Variants in ANKS6 observed in about 807,000 individuals in gnomAD.
ANKS6 encodes the protein ankyrin repeat and sterile alpha motif domain containing 6.
ANKS6 carries 47 observed loss-of-function variants against 77.9 expected under a neutral mutation model. The ratio of observed to expected loss-of-function variants is 0.60; its 90% confidence interval spans 0.48 to 0.77. ANKS6 has a LOEUF of 0.77. Ranked by LOEUF, ANKS6 falls within the 30% of genes least tolerant of loss-of-function variation. The pLI, the probability that ANKS6 is intolerant of heterozygous loss-of-function variation, is 0.00. For synonymous variants in ANKS6, 488 were observed against 501.7 expected (o/e 0.97, Z 0.37); for missense variants, 1,150 against 1,159.1 (o/e 0.99, Z 0.11).
At chr9:98,754,785 C>CA (rs935577964) in intron 12 of ANKS6, among the ~76,000 whole-genome samples, 1 of 152,190 alleles carries the variant, frequency 6.6e-6, no homozygotes, top group African/African-American at 2.4e-5. Context: ...AATTATTCTA[C>CA]AAAGAAAGTG....
chr9:98,750,771 T>A (rs574063154), intron 13 of ANKS6, among the ~76,000 whole-genome samples: 17 of 152,254 alleles, frequency 1.1e-4, no homozygotes, highest in African/African-American at 4.1e-4. Context: ...ACAAAAAAAA[T>A]GTTTTCAGGA....
intron 2 of ANKS6, among the ~76,000 whole-genome samples, chr9:98,786,694 T>TA (rs993702436): frequency 4.6e-5 from 7 of 152,072 alleles, no homozygotes; most frequent in South Asian, 4.2e-4. Context: ...ACCTGACTTT[T>TA]AAAAAAAATA....
At chr9:98,790,696 C>T in intron 1 of ANKS6, 90 bp from the exon 2 acceptor site, 1 of 1,480,068 alleles carries the variant, frequency 6.8e-7, no homozygotes, top group Non-Finnish European at 9.2e-7. Flanking sequence ...ATTATTAGTC[C>T]TGACAGCTGC....
chr9:98,763,012 T>G (rs540844717), intron 11 of ANKS6, among the ~76,000 whole-genome samples: 1 of 152,042 alleles, frequency 6.6e-6, no homozygotes, highest in African/African-American at 2.4e-5. Context: ...AAAGGAGAAA[T>G]AGACCAAACT....
chr9:98,755,285 A>G (rs1367917122), intron 12 of ANKS6, among the ~76,000 whole-genome samples: 1 of 152,184 alleles, frequency 6.6e-6, no homozygotes, highest in Non-Finnish European at 1.5e-5. Context: ...GGCCACGAAC[A>G]CAATCAGATT....
intron 11 of ANKS6, among the ~76,000 whole-genome samples, 161 bp downstream of exon 11, chr9:98,767,920 C>T (rs574712858): frequency 6.6e-6 from 1 of 152,344 alleles, no homozygotes; most frequent in African/African-American, 2.4e-5. Flanking sequence ...GTGCGGAGGA[C>T]CATTTCAGCC....
At position 98,791,812 on chromosome 9, in the gene ANKS6, C is replaced by T. The variant is rs892620065; in HGVS notation, c.360-1206G>A. Among the ~76,000 whole-genome samples the T allele has an allele frequency of 6.6e-6, 1 of 152,110 alleles. No individual in the cohort carries two copies. The highest frequency in any genetic ancestry group is 1.5e-5 in the Non-Finnish European group (1 of 68,024). On this transcript the variant is annotated intron_variant, in intron 1 of 14. Coordinates refer to ENST00000353234, the MANE Select transcript of ANKS6 (RefSeq NM_173551.5). The surrounding 1 kb of genome is among the most constrained non-coding windows in gnomAD (Gnocchi z 4.3). ...CAGGGCTGAACTCTGTCTGAGGCTC[C>T]GGCTGAATACCTTCTGGGATGTGAA... is the stretch of plus-strand genomic sequence containing the variant.
intron 1 of ANKS6, among the ~76,000 whole-genome samples, chr9:98,794,396 C>T (rs1835067854): frequency 6.6e-6 from 1 of 152,164 alleles, no homozygotes; most frequent in Non-Finnish European, 1.5e-5. Context: ...TGTCAGCACA[C>T]AGGCCATTCA....
chr9:98,780,750 G>A (rs1834202766), intron 5 of ANKS6, among the ~76,000 whole-genome samples: 1 of 152,074 alleles, frequency 6.6e-6, no homozygotes, highest in South Asian at 2.1e-4. Context: ...TCAATTCACG[G>A]GAATTCCTTT....
chr9:98,777,550 T>A, intron 7 of ANKS6, 96 bp from the exon 8 acceptor site: 1 of 1,051,856 alleles, frequency 9.5e-7, no homozygotes, highest in Non-Finnish European at 1.4e-6. Context: ...GAAAACCAAC[T>A]CTCCTGGGTG....
intron 11 of ANKS6, among the ~76,000 whole-genome samples, chr9:98,761,757 T>C (rs7469435): frequency 6.6e-6 from 1 of 152,190 alleles, no homozygotes; most frequent in South Asian, 2.1e-4. Flanking sequence ...ATTTTTGGGC[T>C]CTCTCTTTTG....
chr9:98,766,333 A>G (rs553528906), intron 11 of ANKS6, among the ~76,000 whole-genome samples: 1 of 152,334 alleles, frequency 6.6e-6, no homozygotes, highest in South Asian at 2.1e-4. Flanking sequence ...CCTTATTTCC[A>G]ATAAAAATTA....
Position 98,770,832 on chromosome 9 carries a change from A to C in ANKS6, c.1972+64T>G, listed in dbSNP as rs1446384646. The C allele has an allele frequency of 4.3e-5, 56 of 1,294,718 alleles. No homozygotes were observed. In the East Asian group the frequency reaches 1.6e-3, roughly 37 times the overall value. The allele number at this position is 1,294,718 out of a possible 1,614,324, so 80.2% of individuals were successfully genotyped here. A position where few individuals can be genotyped will look rare whatever the true frequency, so the allele number is the denominator to read the frequency against. On this transcript the variant is annotated intron_variant, in intron 10 of 14. Coordinates refer to ENST00000353234, the MANE Select transcript of ANKS6 (RefSeq NM_173551.5). ...CTGTCTGCAACCTGAATATCCAGGC[A>C]GTGCACACCCTCAGTCCCAAGGGAT...
In ANKS6 at chr9:98,753,144, T is replaced by TA. The variant is rs146151303; in HGVS notation, c.2327-2049dup. The stretch of plus-strand genomic sequence containing the variant: ...TTTATAGCACACAATTTACAAATAA[T>TA]AAAAAATACAATATTCTTTCTTATA... On this transcript the variant is annotated intron_variant, in intron 12 of 14. Transcript: ENST00000353234. Among the ~76,000 whole-genome samples the TA allele has an allele frequency of 8.0e-3, 1,224 of 152,262 alleles. 17 individuals are homozygous for TA. Among genetic ancestry groups the TA allele is most frequent in the African/African-American group, 0.028 (1,153 of 41,554 alleles).
intron 11 of ANKS6, among the ~76,000 whole-genome samples, chr9:98,766,753 C>G (rs1345692422): frequency 6.6e-6 from 1 of 152,116 alleles, no homozygotes; most frequent in East Asian, 1.9e-4. Context: ...CCAAGAGTGG[C>G]TGGGCAGAAA....
At chr9:98,790,862 G>A (rs1298570211) in intron 1 of ANKS6, among the ~76,000 whole-genome samples, 1 of 152,174 alleles carries the variant, frequency 6.6e-6, no homozygotes. Context: ...TGATTTCTTT[G>A]TGCCTTCATT....
chr9:98,734,145 G>A lies in ANKS6; in HGVS notation c.*2374C>T, dbSNP rs548371681. The stretch of plus-strand genomic sequence containing the variant: ...CCGCATCCAAACATCCCCAGAAAGG[G>A]TGCCAGGGACCTCTTGTGAACCAGC... On this transcript the variant is annotated 3_prime_UTR_variant, in exon 15 of 15. Transcript: ENST00000353234. 1.5e-5 allele frequency: 15 copies of A among 985,486 alleles called. No individual in the cohort carries two copies. In the East Asian group the frequency reaches 9.1e-4, roughly 60 times the overall value. 61.0% of individuals were successfully genotyped at this position (985,486 alleles called of 1,614,324 possible). A position where few individuals can be genotyped will look rare whatever the true frequency, so the allele number is the denominator to read the frequency against.
chr9:98,768,582 C>T (rs1256955463), intron 10 of ANKS6, among the ~76,000 whole-genome samples: 1 of 152,190 alleles, frequency 6.6e-6, no homozygotes, highest in African/African-American at 2.4e-5. Flanking sequence ...ACTCGATGCC[C>T]ACAGAAGCCC....
intron 14 of ANKS6, 53 bp downstream of exon 14, chr9:98,745,506 G>A: frequency 6.5e-7 from 1 of 1,532,474 alleles, no homozygotes; most frequent in South Asian, 1.1e-5. Context: ...CAGGACCCTG[G>A]TGAAGCTCTC....
Sources: allele counts gnomAD v4.1 joint callset (sites outside exome capture counted in the v4.1 genomes callset), GRCh38; gene constraint gnomAD v4.1.1; non-coding constraint Gnocchi (gnomAD v3.1); transcripts MANE v1.5; gene names NCBI Gene and HGNC (gene_info 2026-07-23, HGNC 2026-07-21).